Variants in SGSM1 observed in about 807,000 individuals in gnomAD.
SGSM1 encodes RUN and TBC1 domain containing 2.
In SGSM1, 73 loss-of-function variants were observed where a neutral mutation model predicts 133.8. The ratio of observed to expected loss-of-function variants is 0.55; its 90% CI spans 0.45 to 0.66. The LOEUF is 0.66. Ranked by LOEUF, SGSM1 falls within the 30% of genes least tolerant of loss-of-function variation. The probability of loss-of-function intolerance (pLI) is 0.00; values close to 1 mark genes in which losing one functional copy is unlikely to be tolerated. For synonymous variants in SGSM1, 563 were observed against 573.0 expected (o/e 0.98, Z 0.25); for missense variants, 1,213 against 1,448.1 (o/e 0.84, Z 2.64).
chr22:24,915,253 TAAAC>T (rs1555939481), intron 22 of SGSM1, among the ~76,000 whole-genome samples: 20 of 139,428 alleles, frequency 1.4e-4, no homozygotes, highest in Admixed American at 3.0e-4. Context: ...AATAAATAAA[TAAAC>T]AAACAGCGCT....
At chr22:24,857,314 G>A (rs1930856668) in intron 8 of SGSM1, among the ~76,000 whole-genome samples, 1 of 151,116 alleles carries the variant, frequency 6.6e-6, no homozygotes, top group Admixed American at 6.6e-5. Flanking sequence ...GGGAGGCTGA[G>A]GCAGAACTGC....
At chr22:24,877,929 G>A (rs1034253464) in intron 13 of SGSM1, among the ~76,000 whole-genome samples, 3 of 145,540 alleles carry the variant, frequency 2.1e-5, no homozygotes, top group Non-Finnish European at 4.5e-5. Context: ...TCCTGCCTCA[G>A]CCTCCCGAGT....
rs114785423 is a variant in SGSM1 at position 24,842,649 on chromosome 22, C to T, written c.64-2248C>T. Among the ~76,000 whole-genome samples, 1,182 of 152,194 alleles carry T rather than the reference C, an allele frequency of 7.8e-3. 16 individuals carry two copies. Among genetic ancestry groups the T allele is most frequent in the African/African-American group, 0.027 (1,110 of 41,538 alleles). On this transcript the variant is annotated intron_variant, in intron 2 of 24. Transcript: ENST00000400358. Reference sequence around the variant, plus strand: ...AAACAAGTACTGACCAAATGTTACACGTCTGATGGGTGTTTCAAGAGCAGC... The same window carrying T: ...AAACAAGTACTGACCAAATGTTACATGTCTGATGGGTGTTTCAAGAGCAGC...
At chr22:24,847,886 C>T in intron 4 of SGSM1, 90 bp downstream of exon 4, 31 of 1,476,152 alleles carry the variant, frequency 2.1e-5, no homozygotes, top group Non-Finnish European at 2.7e-5. Flanking sequence ...CAACCCCTAG[C>T]ACTCTTTTCA....
At chr22:24,848,430 A>G (rs1407885291) in intron 4 of SGSM1, among the ~76,000 whole-genome samples, 1 of 152,240 alleles carries the variant, frequency 6.6e-6, no homozygotes, top group African/African-American at 2.4e-5. Flanking sequence ...AGTTAAAAAA[A>G]AAACTCTCAT....
At chr22:24,826,852 C>T (rs1000830505) in intron 2 of SGSM1, among the ~76,000 whole-genome samples, 29 of 152,100 alleles carry the variant, frequency 1.9e-4, no homozygotes, top group African/African-American at 6.8e-4. Context: ...ATGTTTTGCT[C>T]ATGGTATCCT....
intron 2 of SGSM1, among the ~76,000 whole-genome samples, chr22:24,834,230 C>T (rs1407910230): frequency 6.6e-6 from 1 of 152,212 alleles, no homozygotes; most frequent in Non-Finnish European, 1.5e-5. Context: ...GAGAGCTGTC[C>T]CCGACTGCAG....
At chr22:24,848,367 G>A (rs891906831) in intron 4 of SGSM1, among the ~76,000 whole-genome samples, 6 of 152,080 alleles carry the variant, frequency 3.9e-5, no homozygotes, top group Non-Finnish European at 7.3e-5. Flanking sequence ...GACCAGACAC[G>A]AGGGCCTCAT....
intron 2 of SGSM1, among the ~76,000 whole-genome samples, chr22:24,811,896 G>C (rs1418753933): frequency 6.7e-6 from 1 of 148,266 alleles, no homozygotes; most frequent in African/African-American, 2.5e-5. Flanking sequence ...TTATGACCAG[G>C]CATGGTGGCT....
chr22:24,910,246 T>C lies in SGSM1; in HGVS notation c.2819-2397T>C, dbSNP rs1381932637. 4.0e-5 allele frequency among the ~76,000 whole-genome samples: 6 copies of C among 151,518 alleles called. No homozygotes were observed. The East Asian group carries it at 1.2e-3, about 29-fold the overall frequency. On this transcript the variant is annotated intron_variant, in intron 21 of 24. Transcript: ENST00000400358. Reference sequence around the variant, plus strand: ...TATAGGGATTTTGGGGTTGGGGGGGTAAAGAAATGTTCTGGAACTAATAGT... The same window carrying C: ...TATAGGGATTTTGGGGTTGGGGGGGCAAAGAAATGTTCTGGAACTAATAGT...
chr22:24,893,713 C>G (rs143628190), intron 17 of SGSM1, 100 bp downstream of exon 17: 8 of 1,282,652 alleles, frequency 6.2e-6, no homozygotes, highest in Admixed American at 3.3e-5. Context: ...TGTCTGGGGC[C>G]TGGTGACAGT....
intron 16 of SGSM1, among the ~76,000 whole-genome samples, chr22:24,892,263 C>T (rs547700060): frequency 2.8e-3 from 420 of 152,156 alleles, no homozygotes; most frequent in African/African-American, 8.8e-3. Context: ...GTCCCCCTCC[C>T]GAAGTCCTGA....
At chr22:24,823,578 G>T (rs1928613878) in intron 2 of SGSM1, among the ~76,000 whole-genome samples, 1 of 151,966 alleles carries the variant, frequency 6.6e-6, no homozygotes, top group Non-Finnish European at 1.5e-5. Context: ...TCCAGCCTGG[G>T]CAACAGAGCG....
At chr22:24,857,427 T>G (rs1305436416) in intron 8 of SGSM1, among the ~76,000 whole-genome samples, 3 of 140,868 alleles carry the variant, frequency 2.1e-5, no homozygotes, top group East Asian at 4.3e-4. Flanking sequence ...AAAAAAAAGC[T>G]ATTTAGATTA....
In SGSM1 at chr22:24,815,224, G is replaced by A. The variant is rs545525933; in HGVS notation, c.63+8740G>A. 7.2e-5 allele frequency among the ~76,000 whole-genome samples: 11 copies of A among 152,314 alleles called. 1 individual carries two copies. Among genetic ancestry groups the A allele is most frequent in the Non-Finnish European group, 1.6e-4 (11 of 68,044 alleles). ...AAAATGGATAGCTGAGGTCCTGAGA[G>A]TTCAAGAGACTTGGTGATGTTACCA... On this transcript the variant is annotated intron_variant, in intron 2 of 24. Transcript: ENST00000400358.
intron 12 of SGSM1, among the ~76,000 whole-genome samples, chr22:24,874,856 C>G (rs562330742): frequency 6.6e-6 from 1 of 152,368 alleles, no homozygotes; most frequent in East Asian, 1.9e-4. Flanking sequence ...CTAAACTGGT[C>G]AGTGCATCCC....
Position 24,912,646 on chromosome 22 carries a change from C to A in SGSM1, c.2822C>A (p.Ala941Asp). The A allele has an allele frequency of 1.2e-6, 2 of 1,610,540 alleles. No homozygotes were observed. Among genetic ancestry groups the A allele is most frequent in the Non-Finnish European group, 1.7e-6 (2 of 1,177,980 alleles). ...APLLVILDDE[A>D]LAFSCFTELM... is the part of the protein sequence containing the mutation. ...CTGTTCTGTGATGCTTTCTCAGAGG[C>A]CCTTGCCTTCAGCTGCTTCACGGAG... The change falls in exon 22 of 25, where the codon GCC becomes GAC. Residue 941 changes from alanine (A) to aspartate (D), a missense_variant. By Grantham distance (126) the Ala-to-Asp change is moderately radical. Transcript: ENST00000400358.
chr22:24,876,782 G>GTC (rs1408819608), intron 13 of SGSM1, 67 bp downstream of exon 13: 2 of 1,596,430 alleles, frequency 1.3e-6, no homozygotes, highest in Non-Finnish European at 1.7e-6. Flanking sequence ...AGATGCCCAT[G>GTC]TCTTACCCTG....
In SGSM1 at chr22:24,864,590, A is replaced by G. The variant is rs544643200; in HGVS notation, c.927-2503A>G. ...GCCAGCCACGAAGGGTGCATGTTGT[A>G]GGATTCCATTTAGATGAAATGTCCA... is the stretch of plus-strand genomic sequence containing the variant. On this transcript the variant is annotated intron_variant, in intron 9 of 24. Coordinates refer to ENST00000400358, the MANE Select transcript of SGSM1 (RefSeq NM_001098497.3). Among the ~76,000 whole-genome samples, 11 of 152,382 alleles carry G rather than the reference A, an allele frequency of 7.2e-5. No homozygotes were observed. In the South Asian group the frequency reaches 2.3e-3, roughly 32 times the overall value.
Sources: allele counts gnomAD v4.1 joint callset (sites outside exome capture counted in the v4.1 genomes callset), GRCh38; gene constraint gnomAD v4.1.1; transcripts MANE v1.5; gene names NCBI Gene and HGNC (gene_info 2026-07-23, HGNC 2026-07-21).